NDUFB3: variants seen among roughly 807,000 people sequenced by gnomAD.
NDUFB3 encodes the protein NADH:ubiquinone oxidoreductase subunit B3, also known as NADH dehydrogenase [ubiquinone] 1 beta subcomplex subunit 3.
A neutral mutation model predicts 9.0 loss-of-function variants in NDUFB3; 7 were observed. The observed-to-expected ratio is 0.78, with a 90% CI of 0.44 to 1.46. The LOEUF (loss-of-function observed/expected upper bound fraction) is 1.46. Ranked by LOEUF, NDUFB3 falls within the 40% of genes most tolerant of loss-of-function variation. NDUFB3 has a pLI of 0.01. For missense variants in NDUFB3, 93 were observed against 115.4 expected (o/e 0.81, Z 0.89); for synonymous variants, 29 against 38.5 (o/e 0.75, Z 0.91).
chr2:201,072,655 G>T (rs1013855199), intron 1 of NDUFB3, among the ~76,000 whole-genome samples: 1 of 151,872 alleles, frequency 6.6e-6, no homozygotes. Flanking sequence ...TTTCCTTACT[G>T]TTATTATTTG....
chr2:201,074,397 T>A (rs1237339543), intron 1 of NDUFB3, among the ~76,000 whole-genome samples: 1 of 151,882 alleles, frequency 6.6e-6, no homozygotes, highest in Admixed American at 6.6e-5. Context: ...ACAGTGTCTA[T>A]CTAGAATATA....
chr2:201,073,034 T>C (rs940153904), intron 1 of NDUFB3, among the ~76,000 whole-genome samples: 1 of 151,976 alleles, frequency 6.6e-6, no homozygotes, highest in Non-Finnish European at 1.5e-5. Flanking sequence ...GCGGGGGGTG[T>C]GATTAGGAAT....
chr2:201,084,890 G>A (rs1004448775), intron 2 of NDUFB3, among the ~76,000 whole-genome samples: 4 of 144,034 alleles, frequency 2.8e-5, no homozygotes, highest in African/African-American at 5.9e-5. Flanking sequence ...GGGAGAAGCA[G>A]AGATCCTTTT....
At chr2:201,075,179 G>GAAA (rs752371143) in intron 1 of NDUFB3, among the ~76,000 whole-genome samples, 2 of 91,100 alleles carry the variant, frequency 2.2e-5, no homozygotes, top group African/African-American at 8.1e-5. Context: ...GATCCTGTCT[G>GAAA]AAAAAAAAAA....
At chr2:201,083,875 A>T (rs1302160618) in intron 2 of NDUFB3, among the ~76,000 whole-genome samples, 1 of 152,108 alleles carries the variant, frequency 6.6e-6, no homozygotes, top group African/African-American at 2.4e-5. Context: ...GAATATTTGC[A>T]CCAGGTGTGG....
chr2:201,079,825 C>T (rs370037777), intron 2 of NDUFB3: 23 of 152,250 alleles, frequency 1.5e-4, no homozygotes, highest in African/African-American at 4.8e-4. Flanking sequence ...AGTCCTTTAT[C>T]AGATAAAAGT....
At chr2:201,077,433 T>C (rs2047175559) in intron 1 of NDUFB3, among the ~76,000 whole-genome samples, 1 of 152,162 alleles carries the variant, frequency 6.6e-6, no homozygotes, top group Non-Finnish European at 1.5e-5. Context: ...ATTGAGGACA[T>C]GTTTTAATTA....
intron 1 of NDUFB3, among the ~76,000 whole-genome samples, chr2:201,077,991 A>G (rs1045872594): frequency 1.3e-5 from 2 of 152,126 alleles, no homozygotes; most frequent in Admixed American, 1.3e-4. Flanking sequence ...TCAAAAGGAA[A>G]ACAATATTGC....
At chr2:201,080,875 T>C (rs2047214788) in intron 2 of NDUFB3, among the ~76,000 whole-genome samples, 1 of 151,540 alleles carries the variant, frequency 6.6e-6, no homozygotes, top group African/African-American at 2.4e-5. Flanking sequence ...TGCTAATTTT[T>C]TGTATTTTTA....
intron 2 of NDUFB3, among the ~76,000 whole-genome samples, chr2:201,085,189 C>T (rs536439121): frequency 1.3e-5 from 2 of 152,284 alleles, no homozygotes; most frequent in South Asian, 2.1e-4. Context: ...GATAAGCTGA[C>T]GTGAGTCTTG....
chr2:201,082,992 C>T (rs2047246391), intron 2 of NDUFB3, among the ~76,000 whole-genome samples: 1 of 152,106 alleles, frequency 6.6e-6, no homozygotes, highest in Non-Finnish European at 1.5e-5. Context: ...GGATTACAGG[C>T]GTGAGCCACC....
At chr2:201,076,606 T>G (rs1053795151) in intron 1 of NDUFB3, among the ~76,000 whole-genome samples, 14 of 151,230 alleles carry the variant, frequency 9.3e-5, no homozygotes, top group African/African-American at 3.4e-4. Context: ...GTATGTACAA[T>G]TTTTTTCTCA....
chr2:201,079,237 C>T (rs1227470672), intron 2 of NDUFB3, among the ~76,000 whole-genome samples: 6 of 151,528 alleles, frequency 4.0e-5, no homozygotes, highest in South Asian at 2.1e-4. Context: ...CTCCGCCACC[C>T]GGGTTCAAGT....
Position 201,085,530 on chromosome 2 carries a change from T to G in NDUFB3, c.212T>G (p.Phe71Cys), listed in dbSNP as rs757327102. 1 of 1,612,944 alleles carries G rather than the reference T, an allele frequency of 6.2e-7. No individual in the cohort carries two copies. The highest frequency in any genetic ancestry group is 8.5e-7 in the Non-Finnish European group (1 of 1,179,172). The change falls in exon 3 of 3, where the codon TTC (phenylalanine) becomes TGC (cysteine). Residue 71 changes from phenylalanine (F) to cysteine (C), a missense_variant. Phe to Cys is a radical substitution (Grantham distance 205). Transcript: ENST00000237889. ...VSFSDVFFKGFKWGFAAFVVA... is the reference protein window; with the variant it reads ...VSFSDVFFKGCKWGFAAFVVA... ...TTTTCTGATGTATTCTTTAAAGGAT[T>G]CAAATGGGGATTTGCTGCATTTGTG...
intron 2 of NDUFB3, among the ~76,000 whole-genome samples, chr2:201,082,977 T>C (rs984367218): frequency 6.6e-6 from 1 of 151,658 alleles, no homozygotes; most frequent in African/African-American, 2.4e-5. Context: ...CCTCCCAAAG[T>C]GCTGGGATTA....
chr2:201,072,827 A>C (rs1052302838), intron 1 of NDUFB3, among the ~76,000 whole-genome samples: 1 of 152,172 alleles, frequency 6.6e-6, no homozygotes, highest in Non-Finnish European at 1.5e-5. Context: ...TCCTGTATCC[A>C]CCTCTTAGAT....
chr2:201,078,471 G>T (rs114626680), intron 1 of NDUFB3, among the ~76,000 whole-genome samples: 233 of 152,262 alleles, frequency 1.5e-3, no homozygotes, highest in African/African-American at 4.3e-3. Context: ...TAAGTTCAAA[G>T]AGTTGTTTTA....
chr2:201,077,049 G>T (rs1017508886), intron 1 of NDUFB3, among the ~76,000 whole-genome samples: 1 of 151,942 alleles, frequency 6.6e-6, no homozygotes, highest in Admixed American at 6.6e-5. Context: ...GCAGTGAGCC[G>T]AGATTGCACA....
intron 2 of NDUFB3, among the ~76,000 whole-genome samples, chr2:201,083,594 G>A (rs993117372): frequency 8.6e-5 from 13 of 151,944 alleles, no homozygotes; most frequent in Admixed American, 2.0e-4. Context: ...TGATCCACAC[G>A]CCTCGACCTC....
Sources: allele counts gnomAD v4.1 joint callset (sites outside exome capture counted in the v4.1 genomes callset), GRCh38; gene constraint gnomAD v4.1.1; transcripts MANE v1.5; gene names NCBI Gene and HGNC (gene_info 2026-07-23, HGNC 2026-07-21).